PCSK6: variants seen among roughly 807,000 people sequenced by gnomAD.
PCSK6 encodes the protein paired basic amino acid cleaving enzyme 4.
In PCSK6, 85 loss-of-function variants were observed where a neutral mutation model predicts 123.3. The observed-to-expected ratio is 0.69, with a 90% CI of 0.58 to 0.83. The LOEUF (loss-of-function observed/expected upper bound fraction) is 0.83, where lower values mean the gene tolerates loss of function less well. Ranked by LOEUF, PCSK6 falls within the 40% of genes least tolerant of loss-of-function variation. The pLI is 0.00. For synonymous variants in PCSK6, 508 were observed against 516.0 expected (o/e 0.98, Z 0.21); for missense variants, 1,191 against 1,282.3 (o/e 0.93, Z 1.09).
At position 101,309,907 on chromosome 15, in the gene PCSK6, T is replaced by C. The variant is rs545083358; in HGVS notation, c.2700-2582A>G. ...CTCGGCCCCTCTCTTAGGGAACTTA[T>C]CAGGCATTGTTCTCAGCGTCGGGCC... On this transcript the variant is annotated intron_variant, in intron 20 of 21. Transcript: ENST00000611716. Among the ~76,000 whole-genome samples the C allele has an allele frequency of 3.3e-5, 5 of 151,926 alleles. No individual in the cohort carries two copies. The South Asian group carries it at 8.3e-4, about 25-fold the overall frequency.
chr15:101,322,606 A>G lies in PCSK6; in HGVS notation c.2379T>C (p.Ser793=), dbSNP rs778491035. 2.5e-6 allele frequency: 4 copies of G among 1,600,830 alleles called. 1 individual carries two copies. The highest frequency in any genetic ancestry group is 2.2e-5 in the South Asian group (2 of 90,812). ...GGTGGCATTTAAGGCAATTTTTCTG[A>G]CCTGGAGAAAAATAGCGAGATAAGA... ...LCPAGFYADE[S]QKNCLKCHPS... The change falls in exon 18 of 22, where the codon AGT becomes AGC. Residue 793 remains serine, a splice_region_variant and synonymous_variant. Transcript: ENST00000611716.
intron 5 of PCSK6, among the ~76,000 whole-genome samples, chr15:101,429,389 T>C (rs567409584): frequency 1.4e-4 from 22 of 152,214 alleles, no homozygotes; most frequent in Admixed American, 1.3e-3. Context: ...GCTGGGTGCA[T>C]TCCTCATGCA....
intron 1 of PCSK6, among the ~76,000 whole-genome samples, chr15:101,476,452 T>C (rs925248646): frequency 2.6e-5 from 4 of 150,988 alleles, no homozygotes; most frequent in African/African-American, 9.8e-5. Flanking sequence ...AAGAATGAGG[T>C]AGGTCTCTAT....
chr15:101,452,828 G>A (rs1201556970), intron 1 of PCSK6, among the ~76,000 whole-genome samples: 1 of 152,106 alleles, frequency 6.6e-6, no homozygotes, highest in Non-Finnish European at 1.5e-5. Context: ...ATTCCCCGGT[G>A]TCCATGGCTG....
chr15:101,469,929 T>C (rs911681241), intron 1 of PCSK6, among the ~76,000 whole-genome samples: 2 of 152,206 alleles, frequency 1.3e-5, no homozygotes, highest in Admixed American at 6.5e-5. Context: ...ACGTGCTGTT[T>C]CTCTCTCATC....
At position 101,461,746 on chromosome 15, in the gene PCSK6, A is replaced by G. The variant is rs964988953; in HGVS notation, c.298-18086T>C. ...TAGCAGAATAAAGAAGATACAGGAA[A>G]AGCATTAGATAAAATTCAAAACCCA... On this transcript the variant is annotated intron_variant, in intron 1 of 21. Transcript: ENST00000611716. Among the ~76,000 whole-genome samples the G allele has an allele frequency of 1.4e-4, 21 of 152,332 alleles. 2 individuals carry two copies. In the South Asian group the frequency reaches 1.4e-3, roughly 11 times the overall value.
chr15:101,457,112 C>T (rs2057205817), intron 1 of PCSK6, among the ~76,000 whole-genome samples: 1 of 152,106 alleles, frequency 6.6e-6, no homozygotes. Context: ...GCGGAGGTTG[C>T]AGTGAGCCAA....
chr15:101,438,666 C>T (rs569219807), intron 2 of PCSK6, among the ~76,000 whole-genome samples: 4 of 152,352 alleles, frequency 2.6e-5, no homozygotes, highest in African/African-American at 7.2e-5. Flanking sequence ...CCAAGCCTGA[C>T]GATCCAGGTC....
chr15:101,322,348 CT>C (rs1567141349), intron 18 of PCSK6, among the ~76,000 whole-genome samples, 171 bp downstream of exon 18: 1 of 152,212 alleles, frequency 6.6e-6, no homozygotes, highest in Non-Finnish European at 1.5e-5. Flanking sequence ...CATCCTCTCC[CT>C]TTCCATCCTA....
intron 6 of PCSK6, among the ~76,000 whole-genome samples, chr15:101,407,252 T>G (rs2042807502): frequency 6.6e-6 from 1 of 152,174 alleles, no homozygotes; most frequent in South Asian, 2.1e-4. Context: ...TTCTACAATA[T>G]TTATCTGCCA....
At chr15:101,405,756 T>C (rs531819367) in intron 6 of PCSK6, among the ~76,000 whole-genome samples, 4 of 152,164 alleles carry the variant, frequency 2.6e-5, no homozygotes, top group East Asian at 3.9e-4. Flanking sequence ...TTCTAATTTT[T>C]TTTTTCAGAC....
chr15:101,326,082 T>G (rs2277592), intron 16 of PCSK6, among the ~76,000 whole-genome samples: 3,823 of 152,352 alleles, frequency 0.025, 112 homozygotes, highest in East Asian at 0.12. Context: ...GGGGCAGCCT[T>G]GGCACGCCCA....
Position 101,305,247 on chromosome 15 carries a change from GCT to G in PCSK6, c.*9_*10del. 1 of 1,603,318 alleles carries G rather than the reference GCT, an allele frequency of 6.2e-7. No homozygotes were observed. Among genetic ancestry groups the G allele is most frequent in the Non-Finnish European group, 8.5e-7 (1 of 1,174,980 alleles). On this transcript the variant is annotated 3_prime_UTR_variant, in exon 22 of 22. Coordinates refer to ENST00000611716, the MANE Select transcript of PCSK6 (RefSeq NM_002570.5). This position sits in a 1 kb window ranked among gnomAD's most constrained non-coding sequence, Gnocchi z 4.8. ...TGGGAGTGCCTGCCCTCTGTGGGCAGCTAGGCACCCTTACCCGGCCAGGAGGC... is the reference window on the plus strand; with the variant it reads ...TGGGAGTGCCTGCCCTCTGTGGGCAGAGGCACCCTTACCCGGCCAGGAGGC...
intron 13 of PCSK6, among the ~76,000 whole-genome samples, chr15:101,345,630 G>A (rs937913831): frequency 2.6e-5 from 4 of 152,236 alleles, no homozygotes; most frequent in Admixed American, 6.5e-5. Context: ...CAGCTTGATA[G>A]CAACACTGAG....
intron 21 of PCSK6, 127 bp downstream of exon 21, chr15:101,307,086 A>C: frequency 1.5e-6 from 1 of 674,182 alleles, no homozygotes. Flanking sequence ...AGTCAATCGG[A>C]TCAGGGGCAC....
rs757970481 is a variant in PCSK6 at position 101,366,526 on chromosome 15, CA to C, written c.1722-195del. Among the ~76,000 whole-genome samples, 104 of 152,272 alleles carry C rather than the reference CA, an allele frequency of 6.8e-4. 1 individual carries two copies. The highest frequency in any genetic ancestry group is 3.4e-3 in the Middle Eastern group (1 of 294). ...ATGTGATCGTCTTTAAGCTCTTACACAGACTCTCTCCTCCATCACCTCCTTG... is the reference window on the plus strand; with the variant it reads ...ATGTGATCGTCTTTAAGCTCTTACACGACTCTCTCCTCCATCACCTCCTTG... On this transcript the variant is annotated intron_variant, in intron 12 of 21. Transcript: ENST00000611716.
chr15:101,370,280 T>G (rs542084000), intron 12 of PCSK6, 55 bp downstream of exon 12: 76 of 1,395,112 alleles, frequency 5.4e-5, no homozygotes, highest in Admixed American at 8.0e-5. Flanking sequence ...GAAGCTCTTG[T>G]GCAGGGTCAA....
At chr15:101,338,862 T>C (rs923279243) in intron 13 of PCSK6, among the ~76,000 whole-genome samples, 4 of 152,206 alleles carry the variant, frequency 2.6e-5, no homozygotes, top group Admixed American at 6.5e-5. Flanking sequence ...GGGAATGTCA[T>C]TGTGAGAGGC....
intron 13 of PCSK6, chr15:101,365,924 T>C (rs8029775): frequency 0.39 from 100,760 of 259,920 alleles, 21,706 homozygotes; most frequent in East Asian, 0.59. Context: ...GAATGGGGAG[T>C]GGCTGCTTCA....
Sources: gnomAD v4.1 joint callset for allele counts (sites outside exome capture counted in the v4.1 genomes callset) on GRCh38, gnomAD v4.1.1 for gene constraint, Gnocchi (gnomAD v3.1) non-coding constraint, MANE v1.5 for transcripts, NCBI Gene and HGNC (gene_info 2026-07-23, HGNC 2026-07-21) for gene names.